NOL3: variants seen among roughly 807,000 people sequenced by gnomAD.
NOL3 encodes muscle-enriched cytoplasmic protein.
In NOL3, 18 loss-of-function variants were observed where a neutral mutation model predicts 19.2. The ratio of observed to expected loss-of-function variants is 0.94; its 90% confidence interval spans 0.65 to 1.39. The LOEUF (loss-of-function observed/expected upper bound fraction) is 1.39. Ranked by LOEUF, NOL3 falls within the 40% of genes most tolerant of loss-of-function variation. The pLI is 0.00. For synonymous variants in NOL3, 127 were observed against 137.3 expected (o/e 0.93, Z 0.52); for missense variants, 290 against 289.5 (o/e 1.00, Z -0.01).
exon 4 of NOL3, chr16:67,175,083 G>A (rs199600705): frequency 2.6e-5 from 42 of 1,614,106 alleles, no homozygotes; most frequent in Non-Finnish European, 3.4e-5. Flanking sequence ...GCGGTGCCCC[G>A]CCCATGCTGG....
chr16:67,171,383 G>A (rs548772354), intron 1 of NOL3: 5 of 152,400 alleles, frequency 3.3e-5, no homozygotes, highest in South Asian at 2.1e-4. Context: ...ATAGGTCCAC[G>A]GAGCGGAGGG....
At chr16:67,172,546 G>A (rs752916534) in intron 1 of NOL3, among the ~76,000 whole-genome samples, 3 of 150,998 alleles carry the variant, frequency 2.0e-5, no homozygotes, top group African/African-American at 4.9e-5. Context: ...AGGAGGCAGA[G>A]GTTGCAGTGA....
chr16:67,174,584 G>A (rs1261672720), intron 2 of NOL3, 37 bp from the exon 3 acceptor site: 6 of 1,516,880 alleles, frequency 4.0e-6, no homozygotes, highest in Non-Finnish European at 5.3e-6. Context: ...CCGCACAGGG[G>A]TAAATTGAGC....
Position 67,175,076 on chromosome 16 carries a change from G to T in NOL3, c.*22G>T, listed in dbSNP as rs745782808. On this transcript the variant is annotated 3_prime_UTR_variant, in exon 4 of 4. Transcript: ENST00000268605. ...CTGAAGGCCAGAGCTCTGACAGGCG[G>T]TGCCCCGCCCATGCTGGATAGGACC... The T allele has an allele frequency of 1.2e-5, 19 of 1,614,250 alleles. No homozygotes were observed. The highest frequency in any genetic ancestry group is 1.6e-4 in the Middle Eastern group (1 of 6,062).
chr16:67,174,469 GC>G lies in NOL3; in HGVS notation c.295+6del. Reference sequence around the variant, plus strand: ...ACTGGCAGCACGTGGGTCCGGGTGAGCGCGCGGGGCGGGGCCTAGGGCAGAG... The same window carrying G: ...ACTGGCAGCACGTGGGTCCGGGTGAGGCGCGGGGCGGGGCCTAGGGCAGAG... On this transcript the variant is annotated splice_donor_region_variant and intron_variant, in intron 2 of 3. Coordinates refer to ENST00000268605, the Ensembl canonical transcript of NOL3. 1 of 1,481,982 alleles carries G rather than the reference GC, an allele frequency of 6.7e-7. No homozygotes were observed. The highest frequency in any genetic ancestry group is 8.9e-7 in the Non-Finnish European group (1 of 1,122,910). 91.8% of individuals were successfully genotyped at this position (1,481,982 alleles called of 1,614,324 possible).
At chr16:67,175,078 G>A (rs1241092577) in exon 4 of NOL3, 45 of 1,614,126 alleles carry the variant, frequency 2.8e-5, no homozygotes, top group Non-Finnish European at 3.8e-5. Context: ...GACAGGCGGT[G>A]CCCCGCCCAT....
At chr16:67,174,044 G>T in intron 1 of NOL3, 118 bp from the exon 2 acceptor site, 1 of 1,557,486 alleles carries the variant, frequency 6.4e-7, no homozygotes, top group Non-Finnish European at 8.7e-7. Context: ...GGCTGGGATC[G>T]AGGTGAACTT....
chr16:67,175,140 TC>T, exon 4 of NOL3: 1 of 1,612,854 alleles, frequency 6.2e-7, no homozygotes, highest in African/African-American at 1.3e-5. Flanking sequence ...CCACCAAGGC[TC>T]GGTCCAGCCC....
exon 4 of NOL3, chr16:67,175,616 T>C (rs1272361125): frequency 6.4e-6 from 1 of 155,042 alleles, no homozygotes; most frequent in African/African-American, 2.4e-5. Flanking sequence ...CATTACTGTT[T>C]TAATTGTCTG....
In NOL3 at chr16:67,175,058, C is replaced by T. The variant is rs1406460739; in HGVS notation, c.*4C>T. The T allele has an allele frequency of 1.9e-6, 3 of 1,614,260 alleles. No individual in the cohort carries two copies. The South Asian group carries it at 3.3e-5, about 18-fold the overall frequency. On this transcript the variant is annotated 3_prime_UTR_variant, in exon 4 of 4. Transcript: ENST00000268605. ...CCCGTCATCTCTAGATTCCTGAAGGCCAGAGCTCTGACAGGCGGTGCCCCG... is the reference window on the plus strand; with the variant it reads ...CCCGTCATCTCTAGATTCCTGAAGGTCAGAGCTCTGACAGGCGGTGCCCCG...
At chr16:67,175,189 C>CG (rs1253850773) in exon 4 of NOL3, 1 of 1,558,358 alleles carries the variant, frequency 6.4e-7, no homozygotes, top group East Asian at 2.3e-5. Flanking sequence ...GAGGGTCGGA[C>CG]GGGACCTGGG....
At chr16:67,174,708 C>T (rs755455245) in exon 3 of NOL3, 57 of 1,608,412 alleles carry the variant, frequency 3.5e-5, no homozygotes, top group Non-Finnish European at 4.7e-5. Context: ...CCCGGGTTGC[C>T]CAGAGCTTCA....
Position 67,174,767 on chromosome 16 carries a change from GGGACCCC to G in NOL3, c.446_452del (p.Thr149ArgfsTer73). 6.2e-6 allele frequency: 10 copies of G among 1,608,912 alleles called. No individual in the cohort carries two copies. The highest frequency in any genetic ancestry group is 7.6e-6 in the Non-Finnish European group (9 of 1,177,718). On this transcript the variant is annotated frameshift_variant, in exon 3 of 4. Transcript: ENST00000268605. LOFTEE classifies it high-confidence loss of function. ...TGAGGGCTCCGAGGCGGTGCAATCC[GGGACCCC>G]GGAGGAGCCAGAGCCAGAGCTGGAA...
exon 3 of NOL3, chr16:67,174,812 A>C (rs778003173): frequency 2.5e-6 from 4 of 1,603,920 alleles, no homozygotes; most frequent in Non-Finnish European, 3.4e-6. Context: ...TGAGGCCTCT[A>C]AAGAGGCTGA....
In NOL3 at chr16:67,175,038, C is replaced by T; in HGVS notation, c.620-9C>T. ...CCACCTCTTTGACCACTGTTCCCGT[C>T]ATCTCTAGATTCCTGAAGGCCAGAG... is the stretch of plus-strand genomic sequence containing the variant. On this transcript the variant is annotated splice_polypyrimidine_tract_variant and intron_variant, in intron 3 of 3. Coordinates refer to ENST00000268605, the Ensembl canonical transcript of NOL3. The T allele has an allele frequency of 6.2e-7, 1 of 1,614,172 alleles. No homozygotes were observed. The highest frequency in any genetic ancestry group is 2.2e-5 in the East Asian group (1 of 44,890).
rs202019387 is a variant in NOL3, at chr16:67,174,945, G to A, written c.619+1G>A. The A allele has an allele frequency of 7.8e-4, 1,263 of 1,611,260 alleles. 1 individual carries two copies. Among genetic ancestry groups the A allele is most frequent in the Non-Finnish European group, 1.0e-3 (1,198 of 1,178,038 alleles). On this transcript the variant is annotated splice_donor_variant, in intron 3 of 3. Transcript: ENST00000268605. LOFTEE classifies it high-confidence loss of function. The stretch of plus-strand genomic sequence containing the variant: ...TTCGAGGAAAGGGACGAGTCCGAAG[G>A]TGTGAGTCCGCCCAAACCCTGAGCC...
intron 1 of NOL3, chr16:67,173,815 T>C: frequency 1.3e-6 from 2 of 1,489,964 alleles, no homozygotes; most frequent in Non-Finnish European, 1.8e-6. Flanking sequence ...CGCCTCGGAT[T>C]TGCCGGGGGT....
chr16:67,174,122 G>T, intron 1 of NOL3, 40 bp from the exon 2 acceptor site: 1 of 1,602,716 alleles, frequency 6.2e-7, no homozygotes, highest in Non-Finnish European at 8.5e-7. Context: ...GCAGCGGGGA[G>T]GGCAACCCCC....
Position 67,174,282 on chromosome 16 carries a change from G to A in NOL3, c.113G>A (p.Gly38Asp). 2 of 1,611,768 alleles carry A rather than the reference G, an allele frequency of 1.2e-6. No individual in the cohort carries two copies. Among genetic ancestry groups the A allele is most frequent in the Non-Finnish European group, 1.7e-6 (2 of 1,179,342 alleles). Residue 38 changes from glycine (G) to aspartate (D), a missense_variant, in exon 2 of 4, where the codon GGC becomes GAC. By Grantham distance (94) the Gly-to-Asp change is moderately conservative. This residue lies in a region of NOL3 where 153 missense variants were observed against 149.4 expected (regional missense o/e 1.02). Transcript: ENST00000268605. ...CTGTTGGACGCGCTGCTGGCGCGGG[G>A]CGTGCTCACCGGGCCAGAGTACGAG...
Sources: gnomAD v4.1 joint callset for allele counts (sites outside exome capture counted in the v4.1 genomes callset) on GRCh38, gnomAD v4.1.1 for gene constraint, gnomAD v4.1.1 regional missense constraint, MANE v1.5 for transcripts, NCBI Gene and HGNC (gene_info 2026-07-23, HGNC 2026-07-21) for gene names.